WWOX: variants seen among roughly 807,000 people sequenced by gnomAD.
WWOX encodes the protein WW domain containing oxidoreductase.
A neutral mutation model predicts 46.2 loss-of-function variants in WWOX; 69 were observed. The ratio of observed to expected loss-of-function variants is 1.49; its 90% CI spans 1.23 to 1.82. WWOX has a LOEUF of 1.82. Ranked by LOEUF, WWOX falls within the 40% of genes most tolerant of loss-of-function variation. The pLI is 0.00. For synonymous variants in WWOX, 359 were observed against 202.6 expected, an observed-to-expected ratio of 1.77 and a Z score of -6.56; for missense variants, 919 against 542.6, an observed-to-expected ratio of 1.69 and a Z score of -6.89.
At position 78,238,696 on chromosome 16, in the gene WWOX, C is replaced by T. The variant is rs1057144017; in HGVS notation, c.516+74407C>T. ...GTGCAGTGGTGTGATCTTGGCTCGCCATGATCTCTACCTCCCAGGTTCAAG... is the reference window on the plus strand; with the variant it reads ...GTGCAGTGGTGTGATCTTGGCTCGCTATGATCTCTACCTCCCAGGTTCAAG... On this transcript the variant is annotated intron_variant, in intron 5 of 8. Coordinates refer to ENST00000566780, the MANE Select transcript of WWOX (RefSeq NM_016373.4). Among the ~76,000 whole-genome samples the T allele has an allele frequency of 2.4e-4, 37 of 151,716 alleles. No individual in the cohort carries two copies. The Middle Eastern group carries it at 0.01, about 43-fold the overall frequency.
At chr16:78,722,337 C>G (rs1017732754) in intron 8 of WWOX, among the ~76,000 whole-genome samples, 3 of 152,142 alleles carry the variant, frequency 2.0e-5, no homozygotes, top group East Asian at 1.9e-4. Context: ...TCTCAGTTTT[C>G]TCATCTGTAA....
chr16:79,163,391 C>T (rs965908197), intron 8 of WWOX, among the ~76,000 whole-genome samples: 4 of 152,118 alleles, frequency 2.6e-5, no homozygotes, highest in African/African-American at 4.8e-5. Context: ...AAGTAGGAAT[C>T]GTCATTAAGG....
At chr16:78,450,177 C>T (rs2083659808) in intron 8 of WWOX, among the ~76,000 whole-genome samples, 1 of 152,244 alleles carries the variant, frequency 6.6e-6, no homozygotes, top group East Asian at 1.9e-4. Flanking sequence ...CAAATTTCCC[C>T]TATGAAATAT....
intron 8 of WWOX, among the ~76,000 whole-genome samples, chr16:79,200,432 C>A (rs556538280): frequency 6.6e-6 from 1 of 152,126 alleles, no homozygotes; most frequent in Non-Finnish European, 1.5e-5. Flanking sequence ...GTTTTGAACC[C>A]AGACCTCAGT....
intron 8 of WWOX, among the ~76,000 whole-genome samples, chr16:78,862,401 T>C (rs2043909796): frequency 6.6e-6 from 1 of 151,462 alleles, no homozygotes; most frequent in African/African-American, 2.4e-5. Flanking sequence ...CACTATAGTG[T>C]ATGTACTATA....
chr16:78,764,248 G>T (rs1001897049), intron 8 of WWOX, among the ~76,000 whole-genome samples: 3 of 151,786 alleles, frequency 2.0e-5, no homozygotes, highest in Admixed American at 6.6e-5. Context: ...AAACGGCTCC[G>T]CCTTCCTGCC....
rs575528776 is a variant in WWOX, at chr16:78,880,352, T to G, written c.1057-331256T>G. 3.3e-5 allele frequency among the ~76,000 whole-genome samples: 5 copies of G among 152,368 alleles called. No homozygotes were observed. In the South Asian group the frequency reaches 1.0e-3, roughly 32 times the overall value. ...TGGAAATTAGACTGTCACCTGCTTT[T>G]AGCATCCTGTTTTCTTTCGTGTTTG... On this transcript the variant is annotated intron_variant, in intron 8 of 8. Transcript: ENST00000566780.
intron 8 of WWOX, among the ~76,000 whole-genome samples, chr16:78,541,811 A>T (rs181541795): frequency 6.6e-6 from 1 of 152,152 alleles, no homozygotes; most frequent in East Asian, 1.9e-4. Context: ...ATGGACTACT[A>T]TGAAGTATTA....
At chr16:78,203,134 A>T (rs186710635) in intron 5 of WWOX, among the ~76,000 whole-genome samples, 2 of 152,248 alleles carry the variant, frequency 1.3e-5, no homozygotes, top group Admixed American at 6.5e-5. Flanking sequence ...ATAAGGCTGG[A>T]TGGTGGGGAA....
chr16:78,651,674 C>CCT (rs1239569508), intron 8 of WWOX, among the ~76,000 whole-genome samples: 1 of 152,206 alleles, frequency 6.6e-6, no homozygotes, highest in African/African-American at 2.4e-5. Context: ...CTCCCCTTCT[C>CCT]CCACCTGTGC....
At position 78,615,264 on chromosome 16, in the gene WWOX, A is replaced by G. The variant is rs527474540; in HGVS notation, c.1056+182512A>G. ...GCGCTAATGGGAGATCCTAAGTTTC[A>G]GGCTCTGCTACAGACGTCAGGTCCC... is the stretch of plus-strand genomic sequence containing the variant. On this transcript the variant is annotated intron_variant, in intron 8 of 8. Coordinates refer to ENST00000566780, the MANE Select transcript of WWOX (RefSeq NM_016373.4). Among the ~76,000 whole-genome samples, 316 of 152,284 alleles carry G rather than the reference A, an allele frequency of 2.1e-3. 1 individual carries two copies. The highest frequency in any genetic ancestry group is 4.1e-3 in the Admixed American group (63 of 15,292).
chr16:78,491,784 A>G (rs893937086), intron 8 of WWOX, among the ~76,000 whole-genome samples: 1 of 152,226 alleles, frequency 6.6e-6, no homozygotes, highest in African/African-American at 2.4e-5. Context: ...AGGAGAAAAT[A>G]GCATATAAAG....
At chr16:78,561,131 C>G (rs2044424942) in intron 8 of WWOX, among the ~76,000 whole-genome samples, 1 of 152,160 alleles carries the variant, frequency 6.6e-6, no homozygotes. Flanking sequence ...CCCCTGTTTC[C>G]TACTGACTTC....
chr16:78,888,498 C>G (rs961377317), intron 8 of WWOX, among the ~76,000 whole-genome samples: 2 of 152,176 alleles, frequency 1.3e-5, no homozygotes, highest in East Asian at 1.9e-4. Context: ...ACTGACAGCT[C>G]TAGGCAGAAA....
chr16:78,370,751 T>C (rs546643865), intron 5 of WWOX, among the ~76,000 whole-genome samples: 153 of 140,158 alleles, frequency 1.1e-3, no homozygotes, highest in African/African-American at 3.8e-3. Flanking sequence ...AGTTTCTCTA[T>C]AAACTTTTAA....
At chr16:78,616,306 A>G (rs766480217) in intron 8 of WWOX, among the ~76,000 whole-genome samples, 4 of 152,092 alleles carry the variant, frequency 2.6e-5, no homozygotes, top group African/African-American at 4.8e-5. Context: ...TGAATAATAT[A>G]TAAACAACGG....
chr16:78,344,783 A>G (rs1422271692), intron 5 of WWOX, among the ~76,000 whole-genome samples: 1 of 121,824 alleles, frequency 8.2e-6, no homozygotes, highest in East Asian at 1.9e-4. Flanking sequence ...GTACTTTCTC[A>G]CTTGTTCCTT....
chr16:79,205,069 T>C (rs442608), intron 8 of WWOX: 119,872 of 152,144 alleles, frequency 0.79, 48,146 homozygotes, highest in Non-Finnish European at 0.85. Flanking sequence ...GGCTGCACCG[T>C]AAACAGGAAA....
intron 8 of WWOX, among the ~76,000 whole-genome samples, chr16:79,063,008 G>C (rs1408057945): frequency 6.6e-6 from 1 of 152,172 alleles, no homozygotes; most frequent in African/African-American, 2.4e-5. Context: ...GCAGGATTTT[G>C]GCAGGTACCC....
Sources: allele counts gnomAD v4.1 joint callset (sites outside exome capture counted in the v4.1 genomes callset), GRCh38; gene constraint gnomAD v4.1.1; transcripts MANE v1.5; gene names NCBI Gene and HGNC (gene_info 2026-07-23, HGNC 2026-07-21).